SDK1: variants seen among roughly 807,000 people sequenced by gnomAD.
SDK1 encodes the protein sidekick cell adhesion molecule 1, also known as protein sidekick-1.
SDK1 carries 157 observed loss-of-function variants against 245.5 expected under a neutral mutation model. The ratio of observed to expected loss-of-function variants is 0.64; its 90% confidence interval spans 0.56 to 0.73. SDK1 has a LOEUF of 0.73. Among genes scored for constraint, SDK1 ranks in the 30% least tolerant of loss-of-function variants. The pLI, the probability that SDK1 is intolerant of heterozygous loss-of-function variation, is 0.00. For missense variants in SDK1, 3,583 were observed against 3,002.3 expected (o/e 1.19, Z -4.52); for synonymous variants, 1,647 against 1,278.5 (o/e 1.29, Z -6.15).
Position 4,178,935 on chromosome 7 carries a change from G to T in SDK1, c.5098+349G>T, listed in dbSNP as rs143471425. Among the ~76,000 whole-genome samples, 124 of 152,368 alleles carry T rather than the reference G, an allele frequency of 8.1e-4. 1 individual carries two copies. Among genetic ancestry groups the T allele is most frequent in the African/African-American group, 2.7e-3 (113 of 41,588 alleles). ...TGGAACCTCGTTATCTGGAGGGGCA[G>T]ATGTTTGTATCTGCATGGGTCCTTC... is the stretch of plus-strand genomic sequence containing the variant. On this transcript the variant is annotated intron_variant, in intron 35 of 44. Coordinates refer to ENST00000404826, the MANE Select transcript of SDK1 (RefSeq NM_152744.4).
rs559778138 is a variant in SDK1 at position 3,479,937 on chromosome 7, T to C, written c.299-139143T>C. Among the ~76,000 whole-genome samples, 271 of 152,268 alleles carry C rather than the reference T, an allele frequency of 1.8e-3. 2 individuals are homozygous for C. The highest frequency in any genetic ancestry group is 2.2e-3 in the Non-Finnish European group (153 of 68,012). On this transcript the variant is annotated intron_variant, in intron 1 of 44. Coordinates refer to ENST00000404826, the MANE Select transcript of SDK1 (RefSeq NM_152744.4). ...CTCCTAGTTCTTTCAATTTTTTCTT[T>C]ATATGCTTTGAAGCTATGTTATTAG...
chr7:3,338,643 C>T, intron 1 of SDK1: 1 of 196,538 alleles, frequency 5.1e-6, no homozygotes, highest in Non-Finnish European at 1.0e-5. Flanking sequence ...AAAAAAAACA[C>T]CAAAACAAGA....
At chr7:4,204,238 T>G (rs1208136077) in intron 35 of SDK1, among the ~76,000 whole-genome samples, 1 of 152,232 alleles carries the variant, frequency 6.6e-6, no homozygotes, top group Non-Finnish European at 1.5e-5. Context: ...TTAACTTTAT[T>G]TATGTTTTGG....
chr7:3,458,374 C>T (rs1405794306), intron 1 of SDK1, among the ~76,000 whole-genome samples: 1 of 152,038 alleles, frequency 6.6e-6, no homozygotes, highest in African/African-American at 2.4e-5. Context: ...AGCACTGTTT[C>T]CATAGAGTAG....
chr7:3,977,279 GT>G (rs1783014906), intron 13 of SDK1, among the ~76,000 whole-genome samples: 1 of 70,784 alleles, frequency 1.4e-5, no homozygotes, highest in Non-Finnish European at 2.7e-5. Flanking sequence ...CACACAGACG[GT>G]CCTCCAGAGA....
intron 5 of SDK1, among the ~76,000 whole-genome samples, chr7:3,893,265 A>T (rs989531231): frequency 5.9e-5 from 9 of 152,100 alleles, no homozygotes; most frequent in African/African-American, 2.2e-4. Context: ...CAAAACAGTG[A>T]TTAGGAATAT....
At chr7:3,491,740 G>A (rs1220859741) in intron 1 of SDK1, among the ~76,000 whole-genome samples, 2 of 152,172 alleles carry the variant, frequency 1.3e-5, no homozygotes, top group Non-Finnish European at 2.9e-5. Context: ...GAGTGTTACG[G>A]CTTTTTAAAT....
intron 1 of SDK1, among the ~76,000 whole-genome samples, chr7:3,443,789 T>C (rs1454096095): frequency 6.6e-6 from 1 of 152,224 alleles, no homozygotes; most frequent in African/African-American, 2.4e-5. Flanking sequence ...ATTTTTAGAT[T>C]CTTTCTTATA....
At chr7:3,365,903 G>T (rs893970469) in intron 1 of SDK1, among the ~76,000 whole-genome samples, 1 of 152,114 alleles carries the variant, frequency 6.6e-6, no homozygotes, top group African/African-American at 2.4e-5. Flanking sequence ...GCTAGGCGTG[G>T]TGGCGGGCAC....
At chr7:4,111,034 G>C (rs1053750308) in intron 23 of SDK1, among the ~76,000 whole-genome samples, 3 of 152,166 alleles carry the variant, frequency 2.0e-5, no homozygotes, top group Non-Finnish European at 4.4e-5. Flanking sequence ...ATGGCCCACT[G>C]TTATTATATT....
In SDK1 at chr7:3,438,933, A is replaced by G. The variant is rs1046123073; in HGVS notation, c.298+137049A>G. Among the ~76,000 whole-genome samples, 4 of 149,804 alleles carry G rather than the reference A, an allele frequency of 2.7e-5. No homozygotes were observed. In the East Asian group the frequency reaches 5.8e-4, roughly 22 times the overall value. The stretch of plus-strand genomic sequence containing the variant: ...AGTGGTGCGATCTTGGCTCACTGCA[A>G]CCTCTGCCTCCTGGGTTGAAGTGAT... On this transcript the variant is annotated intron_variant, in intron 1 of 44. Transcript: ENST00000404826.
At chr7:3,446,893 C>T (rs1780358516) in intron 1 of SDK1, among the ~76,000 whole-genome samples, 1 of 151,836 alleles carries the variant, frequency 6.6e-6, no homozygotes. Context: ...CAGTTGTTGC[C>T]TGGTTCATCT....
intron 1 of SDK1, among the ~76,000 whole-genome samples, chr7:3,417,078 G>A (rs1206605721): frequency 6.6e-6 from 1 of 152,126 alleles, no homozygotes; most frequent in African/African-American, 2.4e-5. Context: ...GAAGGCTGAG[G>A]CAGGAGAATC....
chr7:3,907,499 A>G (rs769221635), intron 5 of SDK1, among the ~76,000 whole-genome samples: 1 of 152,106 alleles, frequency 6.6e-6, no homozygotes, highest in Non-Finnish European at 1.5e-5. Flanking sequence ...ACCACACTCT[A>G]TGTATCCACT....
intron 17 of SDK1, among the ~76,000 whole-genome samples, chr7:4,032,546 G>T (rs1479755770): frequency 6.6e-6 from 1 of 152,174 alleles, no homozygotes; most frequent in Admixed American, 6.5e-5. Context: ...CCAAAAGGAA[G>T]TGATTAAACT....
At chr7:3,301,992 G>A in intron 1 of SDK1, 108 bp downstream of exon 1, 1 of 854,382 alleles carries the variant, frequency 1.2e-6, no homozygotes, top group Non-Finnish European at 1.4e-6. Context: ...GGCCCGGGTC[G>A]GGATGCGCCT....
At chr7:3,594,592 C>A (rs1048339445) in intron 1 of SDK1, among the ~76,000 whole-genome samples, 1 of 152,162 alleles carries the variant, frequency 6.6e-6, no homozygotes, top group Non-Finnish European at 1.5e-5. Flanking sequence ...CACATCCTTG[C>A]CAACACTTGT....
chr7:4,238,800 A>G (rs1786346042), intron 42 of SDK1, among the ~76,000 whole-genome samples: 1 of 151,996 alleles, frequency 6.6e-6, no homozygotes, highest in Non-Finnish European at 1.5e-5. Context: ...CACCTGCCTC[A>G]GCCTCCCAAA....
intron 22 of SDK1, among the ~76,000 whole-genome samples, chr7:4,088,073 A>C (rs11980489): frequency 0.29 from 43,441 of 151,956 alleles, 7,231 homozygotes; most frequent in African/African-American, 0.46. Context: ...CAGATGAGAC[A>C]TCAAGGTGTT....
Sources: gnomAD v4.1 joint callset for allele counts (sites outside exome capture counted in the v4.1 genomes callset) on GRCh38, gnomAD v4.1.1 for gene constraint, MANE v1.5 for transcripts, NCBI Gene and HGNC (gene_info 2026-07-23, HGNC 2026-07-21) for gene names.